Variants in CERS5 observed in about 807,000 individuals in gnomAD.
The protein encoded by CERS5 is ceramide synthase 5, also known as LAG1 homolog, ceramide synthase 5.
CERS5 carries 37 observed loss-of-function variants against 58.9 expected under a neutral mutation model. That is an observed-to-expected ratio of 0.63 (90% CI 0.48 to 0.83). The LOEUF (loss-of-function observed/expected upper bound fraction) is 0.83. Ranked by LOEUF, CERS5 falls within the 40% of genes least tolerant of loss-of-function variation. CERS5 has a pLI of 0.00. For synonymous variants in CERS5, 147 were observed against 177.8 expected (o/e 0.83, Z 1.38); for missense variants, 398 against 489.3 (o/e 0.81, Z 1.76).
intron 9 of CERS5, among the ~76,000 whole-genome samples, chr12:50,132,262 C>T (rs561056559): frequency 2.6e-5 from 4 of 151,790 alleles, no homozygotes; most frequent in East Asian, 1.9e-4. Flanking sequence ...ATTAGCCAGG[C>T]GTGGTGGCGT....
intron 9 of CERS5, 107 bp downstream of exon 9, chr12:50,134,439 G>GGCCT (rs1469574867): frequency 6.2e-7 from 1 of 1,605,982 alleles, no homozygotes; most frequent in Admixed American, 1.7e-5. Context: ...CTTTTTGCTT[G>GGCCT]GCCTGCTTGA....
In CERS5 at chr12:50,165,954, C is replaced by T. The variant is rs1490503925; in HGVS notation, c.197+1147G>A. The T allele has an allele frequency of 1.1e-5, 5 of 454,682 alleles. No homozygotes were observed. The East Asian group carries it at 3.5e-4, about 32-fold the overall frequency. 28.2% of individuals were successfully genotyped at this position (454,682 alleles called of 1,614,324 possible). Reference sequence around the variant, plus strand: ...AGTGAATATCTTTATCTTGGACAAACATATGATCCATTCACTTAAAGGTGA... The same window carrying T: ...AGTGAATATCTTTATCTTGGACAAATATATGATCCATTCACTTAAAGGTGA... On this transcript the variant is annotated intron_variant, in intron 1 of 9. Coordinates refer to ENST00000317551, the MANE Select transcript of CERS5 (RefSeq NM_147190.5).
At chr12:50,167,058 G>A (rs1565815940) in intron 1 of CERS5, 43 bp downstream of exon 1, 2 of 1,433,302 alleles carry the variant, frequency 1.4e-6, no homozygotes, top group Non-Finnish European at 9.2e-7. Flanking sequence ...GGGCGCCCCC[G>A]GCCCGCGCCC....
intron 7 of CERS5, 26 bp downstream of exon 7, chr12:50,135,915 T>C (rs1351053601): frequency 1.3e-6 from 2 of 1,569,440 alleles, no homozygotes; most frequent in East Asian, 2.2e-5. Flanking sequence ...AAGAAGAAGA[T>C]GGAGAAAGAG....
At position 50,130,437 on chromosome 12, in the gene CERS5, C is replaced by T; in HGVS notation, c.*108G>A. 9.5e-7 allele frequency: 1 copy of T among 1,049,308 alleles called. No individual in the cohort carries two copies. Among genetic ancestry groups the T allele is most frequent in the Non-Finnish European group, 1.3e-6 (1 of 747,862 alleles). 65.0% of individuals were successfully genotyped at this position (1,049,308 alleles called of 1,614,324 possible). A position where few individuals can be genotyped will look rare whatever the true frequency, so the allele number is the denominator to read the frequency against. ...TTTGCTTCTTTGATACTCCTCAGTG[C>T]CTTGCAGTCTCCCAATCACAGAAGA... is the stretch of plus-strand genomic sequence containing the variant. On this transcript the variant is annotated 3_prime_UTR_variant, in exon 10 of 10. Transcript: ENST00000317551.
chr12:50,154,383 T>C, intron 1 of CERS5: 1 of 160,730 alleles, frequency 6.2e-6, no homozygotes, highest in Non-Finnish European at 1.4e-5. Flanking sequence ...CTGCTACTTG[T>C]GTTTTGGTGT....
chr12:50,135,131 G>A (rs1203820544), intron 8 of CERS5, among the ~76,000 whole-genome samples: 1 of 85,378 alleles, frequency 1.2e-5, no homozygotes, highest in Middle Eastern at 4.3e-3. Flanking sequence ...AGAGAGGAGA[G>A]GGAGGGAGAG....
At chr12:50,158,961 C>T (rs1030225458) in intron 1 of CERS5, among the ~76,000 whole-genome samples, 1 of 151,928 alleles carries the variant, frequency 6.6e-6, no homozygotes, top group African/African-American at 2.4e-5. Context: ...TCATTAACAC[C>T]GAGAAGATAG....
At chr12:50,167,068 C>T in intron 1 of CERS5, 33 bp downstream of exon 1, 1 of 1,471,762 alleles carries the variant, frequency 6.8e-7, no homozygotes, top group South Asian at 1.3e-5. Flanking sequence ...GGCCCGCGCC[C>T]GGCCCCCGAG....
intron 9 of CERS5, among the ~76,000 whole-genome samples, chr12:50,130,922 C>CT (rs1244597265): frequency 6.6e-6 from 1 of 152,190 alleles, no homozygotes; most frequent in Non-Finnish European, 1.5e-5. Context: ...ATTGAAGCTA[C>CT]TTTGGTAGAG....
chr12:50,156,908 T>C (rs112129397), intron 1 of CERS5, among the ~76,000 whole-genome samples: 16 of 152,280 alleles, frequency 1.1e-4, no homozygotes, highest in African/African-American at 3.8e-4. Flanking sequence ...ATTGTGATGG[T>C]TAATACTGAG....
rs373419688 is a variant in CERS5, at chr12:50,147,000, C to T, written c.198-2943G>A. Among the ~76,000 whole-genome samples, 51 of 152,216 alleles carry T rather than the reference C, an allele frequency of 3.4e-4. 2 individuals are homozygous for T. The South Asian group carries it at 0.01, about 30-fold the overall frequency. On this transcript the variant is annotated intron_variant, in intron 1 of 9. Coordinates refer to ENST00000317551, the MANE Select transcript of CERS5 (RefSeq NM_147190.5). ...TTAAATATATAGATTTAGTTATACACAGTTAATGAATTACCTTACTGAAGA... is the reference window on the plus strand; with the variant it reads ...TTAAATATATAGATTTAGTTATACATAGTTAATGAATTACCTTACTGAAGA...
At chr12:50,156,438 A>ATATATATATATATATATATATATAG (rs1555198356) in intron 1 of CERS5, among the ~76,000 whole-genome samples, 1 of 123,350 alleles carries the variant, frequency 8.1e-6, no homozygotes, top group Admixed American at 8.3e-5. Context: ...ATATATATAT[A>ATATATATATATATATATATATATAG]AAACAATTAG....
intron 1 of CERS5, chr12:50,144,770 T>C (rs1237789551): frequency 6.6e-7 from 1 of 1,518,202 alleles, no homozygotes; most frequent in South Asian, 1.2e-5. Flanking sequence ...ATCACTTACC[T>C]CTTGGGTCTT....
chr12:50,138,487 C>A lies in CERS5; in HGVS notation c.543+80G>T. 3 of 1,142,500 alleles carry A rather than the reference C, an allele frequency of 2.6e-6. No homozygotes were observed. In the South Asian group the frequency reaches 3.7e-5, roughly 14 times the overall value. The allele number at this position is 1,142,500 out of a possible 1,614,324, so 70.8% of individuals were successfully genotyped here. ...ATCCCAAGGAAACGCACCATCTGTCCTGGGGACTGGCAAAGGACCCTCACT... is the reference window on the plus strand; with the variant it reads ...ATCCCAAGGAAACGCACCATCTGTCATGGGGACTGGCAAAGGACCCTCACT... On this transcript the variant is annotated intron_variant, in intron 5 of 9. Coordinates refer to ENST00000317551, the MANE Select transcript of CERS5 (RefSeq NM_147190.5).
At chr12:50,133,038 G>C (rs773020170) in intron 9 of CERS5, 2 of 1,289,152 alleles carry the variant, frequency 1.6e-6, no homozygotes, top group South Asian at 2.5e-5. Flanking sequence ...GGAGAGTACA[G>C]GGTCTAATCC....
chr12:50,143,220 C>T lies in CERS5; in HGVS notation c.304-16G>A. The stretch of plus-strand genomic sequence containing the variant: ...TATCAGGATACTGTGAATGTATAAC[C>T]AGAGTCAGAACACCCGTCTCCTCAT... On this transcript the variant is annotated splice_polypyrimidine_tract_variant and intron_variant, in intron 2 of 9. Coordinates refer to ENST00000317551, the MANE Select transcript of CERS5 (RefSeq NM_147190.5). The T allele has an allele frequency of 6.2e-7, 1 of 1,613,698 alleles. No individual in the cohort carries two copies. The highest frequency in any genetic ancestry group is 8.5e-7 in the Non-Finnish European group (1 of 1,179,806).
intron 1 of CERS5, among the ~76,000 whole-genome samples, chr12:50,146,941 T>A (rs771377278): frequency 1.3e-5 from 2 of 152,200 alleles, no homozygotes; most frequent in Admixed American, 1.3e-4. Context: ...CCAGATGTGA[T>A]TGGAAAATAA....
At chr12:50,148,946 A>ATATATATATATG (rs1420401358) in intron 1 of CERS5, among the ~76,000 whole-genome samples, 37 of 102,996 alleles carry the variant, frequency 3.6e-4, no homozygotes, top group African/African-American at 9.7e-4. Flanking sequence ...ATATATATAT[A>ATATATATATATG]TGTGTGTGTG....
Sources: gnomAD v4.1 joint callset for allele counts (sites outside exome capture counted in the v4.1 genomes callset) on GRCh38, gnomAD v4.1.1 for gene constraint, MANE v1.5 for transcripts, NCBI Gene and HGNC (gene_info 2026-07-23, HGNC 2026-07-21) for gene names.